The following PTPRD variants were observed in gnomAD, a reference collection of about 807,000 sequenced individuals.
PTPRD encodes the protein protein tyrosine phosphatase receptor type D.
PTPRD carries 34 observed loss-of-function variants against 214.5 expected under a neutral mutation model. The ratio of observed to expected loss-of-function variants is 0.16; its 90% confidence interval spans 0.12 to 0.21. The LOEUF is 0.21. Ranked by LOEUF, PTPRD falls within the 10% of genes least tolerant of loss-of-function variation. PTPRD has a pLI of 1.00. For synonymous variants in PTPRD, 1,128 were observed against 845.7 expected, an observed-to-expected ratio of 1.33 and a Z score of -5.79; for missense variants, 2,545 against 2,398.7, an observed-to-expected ratio of 1.06 and a Z score of -1.27.
chr9:10,601,340 G>C (rs2077919161), intron 2 of PTPRD, among the ~76,000 whole-genome samples: 1 of 151,474 alleles, frequency 6.6e-6, no homozygotes, highest in South Asian at 2.1e-4. Context: ...ATCACTAATA[G>C]GTATCATTTT....
intron 4 of PTPRD, among the ~76,000 whole-genome samples, chr9:10,000,007 T>G (rs58245341): frequency 6.6e-6 from 1 of 152,112 alleles, no homozygotes; most frequent in Non-Finnish European, 1.5e-5. Flanking sequence ...ATGAAAAAAT[T>G]TAATAATTAA....
chr9:10,539,873 G>T (rs1316648995), intron 2 of PTPRD, among the ~76,000 whole-genome samples: 1 of 152,076 alleles, frequency 6.6e-6, no homozygotes, highest in Non-Finnish European at 1.5e-5. Context: ...CAAATTTTAG[G>T]TGAGGGGCCC....
At chr9:8,737,445 T>C (rs1229928705) in intron 11 of PTPRD, among the ~76,000 whole-genome samples, 1 of 151,916 alleles carries the variant, frequency 6.6e-6, no homozygotes, top group Non-Finnish European at 1.5e-5. Flanking sequence ...AAGAAAATAA[T>C]TAAACCAAAA....
At chr9:9,823,450 G>C (rs533704058) in intron 5 of PTPRD, among the ~76,000 whole-genome samples, 4 of 151,986 alleles carry the variant, frequency 2.6e-5, no homozygotes, top group South Asian at 2.1e-4. Flanking sequence ...CCTCCCACTA[G>C]GCCCCATCTC....
At chr9:9,694,698 C>T (rs1025813389) in intron 7 of PTPRD, among the ~76,000 whole-genome samples, 1 of 152,120 alleles carries the variant, frequency 6.6e-6, no homozygotes, top group African/African-American at 2.4e-5. Flanking sequence ...AAGTCCTTCC[C>T]ACTCTTCCCT....
chr9:9,477,803 T>C (rs1462395486), intron 8 of PTPRD, among the ~76,000 whole-genome samples: 3 of 152,160 alleles, frequency 2.0e-5, no homozygotes. Context: ...GTACATTTTC[T>C]TGACAAACGT....
chr9:10,184,807 G>C (rs1466833241), intron 3 of PTPRD, among the ~76,000 whole-genome samples: 3 of 152,324 alleles, frequency 2.0e-5, no homozygotes, highest in Middle Eastern at 6.8e-3. Context: ...GATCAAATAA[G>C]AGAAGGCATG....
At chr9:10,328,183 A>G (rs1013849300) in intron 3 of PTPRD, among the ~76,000 whole-genome samples, 4 of 151,760 alleles carry the variant, frequency 2.6e-5, no homozygotes, top group Non-Finnish European at 5.9e-5. Context: ...AGTGATTTAA[A>G]TATACTGTAA....
intron 11 of PTPRD, among the ~76,000 whole-genome samples, chr9:8,977,270 C>T (rs1308941469): frequency 6.6e-6 from 1 of 152,048 alleles, no homozygotes; most frequent in East Asian, 1.9e-4. Flanking sequence ...TAAGTCTTGC[C>T]AGATTCACAA....
chr9:9,686,740 T>C (rs1428233347), intron 7 of PTPRD, among the ~76,000 whole-genome samples: 1 of 151,780 alleles, frequency 6.6e-6, no homozygotes. Flanking sequence ...TACTTACATA[T>C]AACAGGTAAT....
At chr9:8,772,620 G>A (rs939923257) in intron 11 of PTPRD, among the ~76,000 whole-genome samples, 6 of 152,110 alleles carry the variant, frequency 3.9e-5, no homozygotes, top group Non-Finnish European at 7.4e-5. Context: ...TCCAGCCTGG[G>A]CAATAGAGCA....
chr9:8,713,354 G>T, intron 12 of PTPRD: 1 of 1,003,480 alleles, frequency 1.0e-6, no homozygotes, highest in Non-Finnish European at 1.5e-6. Flanking sequence ...GTAGTGGGTC[G>T]CCGCCTGCCC....
intron 7 of PTPRD, among the ~76,000 whole-genome samples, chr9:9,621,121 G>T (rs1301679585): frequency 1.3e-5 from 2 of 152,146 alleles, no homozygotes; most frequent in Non-Finnish European, 2.9e-5. Context: ...TCACTGACCA[G>T]GCTGTAAGAA....
intron 11 of PTPRD, among the ~76,000 whole-genome samples, chr9:8,793,166 G>A (rs961435434): frequency 5.3e-5 from 8 of 152,220 alleles, no homozygotes; most frequent in African/African-American, 1.9e-4. Flanking sequence ...ATTGTAACAG[G>A]GTTACTGCAT....
At chr9:9,244,276 G>GA (rs1244207931) in intron 9 of PTPRD, among the ~76,000 whole-genome samples, 1 of 151,954 alleles carries the variant, frequency 6.6e-6, no homozygotes, top group Non-Finnish European at 1.5e-5. Context: ...CACAGAATTG[G>GA]AAAAAACTAC....
intron 3 of PTPRD, among the ~76,000 whole-genome samples, chr9:10,189,343 C>T (rs1351648244): frequency 3.3e-5 from 5 of 152,146 alleles, no homozygotes; most frequent in Admixed American, 3.3e-4. Context: ...GTTCCATACG[C>T]ATGGGTCTTT....
At chr9:8,383,193 C>A (rs2085730104) in intron 37 of PTPRD, among the ~76,000 whole-genome samples, 1 of 151,896 alleles carries the variant, frequency 6.6e-6, no homozygotes, top group African/African-American at 2.4e-5. Flanking sequence ...TCTACTGCTT[C>A]ATGCTCAGAA....
chr9:9,378,397 T>C (rs756474161), intron 9 of PTPRD, among the ~76,000 whole-genome samples: 1 of 152,178 alleles, frequency 6.6e-6, no homozygotes, highest in Non-Finnish European at 1.5e-5. Context: ...ATTGTCTGGA[T>C]ATACCACAGT....
At chr9:10,155,655 G>C (rs2099088212) in intron 3 of PTPRD, among the ~76,000 whole-genome samples, 1 of 152,116 alleles carries the variant, frequency 6.6e-6, no homozygotes, top group South Asian at 2.1e-4. Flanking sequence ...TTAACATGAA[G>C]TGGTGTTGAA....
Sources: gnomAD v4.1 joint callset for allele counts (sites outside exome capture counted in the v4.1 genomes callset) on GRCh38, gnomAD v4.1.1 for gene constraint, MANE v1.5 for transcripts, NCBI Gene and HGNC (gene_info 2026-07-23, HGNC 2026-07-21) for gene names.